Variants in PABPC4L observed in about 807,000 individuals in gnomAD.
PABPC4L encodes poly(A) binding protein cytoplasmic 4 like.
For synonymous variants in PABPC4L, 169 were observed against 164.1 expected (o/e 1.03, Z -0.23); for missense variants, 452 against 451.4 (o/e 1.00, Z -0.01).
the PABPC4L span, among the ~76,000 whole-genome samples, chr4:134,039,458 G>C: frequency 1.3e-5 from 2 of 152,054 alleles, no homozygotes; most frequent in Non-Finnish European, 2.9e-5. Flanking sequence ...GGGAGTCTAA[G>C]TCTCTTTGTA....
At chr4:134,081,244 T>C in the PABPC4L span, among the ~76,000 whole-genome samples, 1 of 152,140 alleles carries the variant, frequency 6.6e-6, no homozygotes, top group East Asian at 1.9e-4. Context: ...TGTGGTGGAA[T>C]GGGGTTTAGT....
the PABPC4L span, among the ~76,000 whole-genome samples, chr4:134,133,949 G>T: frequency 6.6e-6 from 1 of 151,662 alleles, no homozygotes; most frequent in South Asian, 2.1e-4. Flanking sequence ...AATAGTGTTT[G>T]CTTAACCATG....
chr4:134,124,788 A>G, the PABPC4L span, among the ~76,000 whole-genome samples: 1 of 152,114 alleles, frequency 6.6e-6, no homozygotes, highest in Non-Finnish European at 1.5e-5. Context: ...TATATTCAAC[A>G]GGAGAGTACA....
At chr4:134,074,891 C>T in the PABPC4L span, among the ~76,000 whole-genome samples, 1 of 152,028 alleles carries the variant, frequency 6.6e-6, no homozygotes, top group Admixed American at 6.6e-5. Context: ...CCCACTGGGT[C>T]CCTCCCACTC....
At chr4:134,185,438 A>G in the PABPC4L span, among the ~76,000 whole-genome samples, 1 of 152,146 alleles carries the variant, frequency 6.6e-6, no homozygotes, top group Non-Finnish European at 1.5e-5. Context: ...GACAAAAACC[A>G]CATGATTATC....
the PABPC4L span, among the ~76,000 whole-genome samples, chr4:133,992,870 T>C: frequency 6.6e-6 from 1 of 152,128 alleles, no homozygotes; most frequent in Non-Finnish European, 1.5e-5. Context: ...TGTTCGGGGC[T>C]TGTGTCATCT....
chr4:133,988,889 G>A, the PABPC4L span, among the ~76,000 whole-genome samples: 6 of 152,172 alleles, frequency 3.9e-5, no homozygotes, highest in Non-Finnish European at 7.4e-5. Context: ...TGAAGTCTAG[G>A]TGGAGGTTCC....
the PABPC4L span, among the ~76,000 whole-genome samples, chr4:134,181,718 A>G: frequency 6.6e-6 from 1 of 152,086 alleles, no homozygotes; most frequent in East Asian, 1.9e-4. Context: ...GCATTCATAT[A>G]CAACAGAAAC....
the PABPC4L span, among the ~76,000 whole-genome samples, chr4:134,034,815 A>G: frequency 6.6e-6 from 1 of 152,024 alleles, no homozygotes; most frequent in Non-Finnish European, 1.5e-5. Context: ...ACTGGTGATC[A>G]TGATGTGAAC....
At chr4:133,967,056 A>T in the PABPC4L span, among the ~76,000 whole-genome samples, 1 of 152,094 alleles carries the variant, frequency 6.6e-6, no homozygotes, top group Non-Finnish European at 1.5e-5. Flanking sequence ...AGTACCAAGA[A>T]TGACCCCAAA....
At chr4:134,024,974 G>T in the PABPC4L span, among the ~76,000 whole-genome samples, 1 of 143,918 alleles carries the variant, frequency 6.9e-6, no homozygotes, top group Non-Finnish European at 1.5e-5. Context: ...ACTCTTACAG[G>T]TCTTACAGGT....
the PABPC4L span, among the ~76,000 whole-genome samples, chr4:134,169,443 A>G: frequency 6.6e-6 from 1 of 152,136 alleles, no homozygotes; most frequent in Non-Finnish European, 1.5e-5. Context: ...ATTCCTAGCT[A>G]GAGCAATCAG....
the PABPC4L span, among the ~76,000 whole-genome samples, chr4:134,095,928 G>A: frequency 1.2e-3 from 186 of 151,998 alleles, no homozygotes; most frequent in African/African-American, 4.3e-3. Context: ...AGCACTCCTA[G>A]TCACTCCCTA....
chr4:134,125,958 G>T, the PABPC4L span, among the ~76,000 whole-genome samples: 2 of 152,124 alleles, frequency 1.3e-5, no homozygotes, highest in Non-Finnish European at 2.9e-5. Flanking sequence ...GAACTGCAGG[G>T]TGTGGTGCCT....
the PABPC4L span, among the ~76,000 whole-genome samples, chr4:134,081,170 G>T: frequency 6.6e-6 from 1 of 152,266 alleles, no homozygotes; most frequent in East Asian, 1.9e-4. Context: ...TTTAATGGCT[G>T]TTGAAGTCTT....
chr4:133,985,008 C>T, the PABPC4L span, among the ~76,000 whole-genome samples: 8 of 151,888 alleles, frequency 5.3e-5, no homozygotes, highest in South Asian at 1.0e-3. Flanking sequence ...CATCTTTAGC[C>T]GAATAAAGTA....
At chr4:134,193,680 G>C (rs938095747), downstream of PABPC4L, among the ~76,000 whole-genome samples, 1 of 151,794 alleles carries the variant, frequency 6.6e-6, no homozygotes, top group Non-Finnish European at 1.5e-5. Context: ...GGTTTGGATG[G>C]CTTCTGATAT....
At chr4:134,063,012 T>C in the PABPC4L span, among the ~76,000 whole-genome samples, 1 of 152,130 alleles carries the variant, frequency 6.6e-6, no homozygotes, top group Non-Finnish European at 1.5e-5. Context: ...TCAACCAGTC[T>C]TCTCTCATTG....
At chr4:133,965,265 A>C in the PABPC4L span, among the ~76,000 whole-genome samples, 2 of 151,886 alleles carry the variant, frequency 1.3e-5, no homozygotes, top group African/African-American at 2.4e-5. Flanking sequence ...CTAACCAAGG[A>C]GGTGAAAGAC....
Sources: allele counts gnomAD v4.1 joint callset (sites outside exome capture counted in the v4.1 genomes callset), GRCh38; gene constraint gnomAD v4.1.1; transcripts MANE v1.5; gene names NCBI Gene and HGNC (gene_info 2026-07-23, HGNC 2026-07-21).